HSF1: variants seen among roughly 807,000 people sequenced by gnomAD.
The protein encoded by HSF1 is heat shock transcription factor 1, also known as heat shock factor protein 1.
HSF1 carries 32 observed loss-of-function variants against 51.7 expected under a neutral mutation model. The ratio of observed to expected loss-of-function variants is 0.62; its 90% CI spans 0.47 to 0.83. The LOEUF (loss-of-function observed/expected upper bound fraction) is 0.83, where lower values mean the gene tolerates loss of function less well. Ranked by LOEUF, HSF1 falls within the 40% of genes least tolerant of loss-of-function variation. The pLI is 0.00. For missense variants in HSF1, 727 were observed against 717.0 expected, an observed-to-expected ratio of 1.01 and a Z score of -0.16; for synonymous variants, 396 against 309.7, an observed-to-expected ratio of 1.28 and a Z score of -2.92.
rs946787557 is a variant in HSF1 at position 144,297,568 on chromosome 8, T to C, written c.117+5694T>C. Among the ~76,000 whole-genome samples the C allele has an allele frequency of 1.3e-5, 2 of 152,168 alleles. No individual in the cohort carries two copies. Among genetic ancestry groups the C allele is most frequent in the African/African-American group, 4.8e-5 (2 of 41,422 alleles). On this transcript the variant is annotated intron_variant, in intron 1 of 12. Coordinates refer to ENST00000528838, the MANE Select transcript of HSF1 (RefSeq NM_005526.4). This position sits in a 1 kb window ranked among gnomAD's most constrained non-coding sequence, Gnocchi z 4.6. ...CGGGGCCACAAAGTGAGCCACTTTG[T>C]CTGCACCTGCTCGCGCTTCCTGCCT...
rs782341252 is a variant in HSF1, at chr8:144,308,978, A to G, written c.190A>G (p.Asn64Asp). Residue 64 changes from asparagine (N) to aspartate (D), a missense_variant, in exon 2 of 13, where the codon AAC becomes GAC. Asn to Asp is a conservative substitution (Grantham distance 23). This residue lies in a region of HSF1 where 257 missense variants were observed against 318.3 expected (regional missense o/e 0.81). Transcript: ENST00000528838. ...GGTGCTGCCCAAGTACTTCAAGCAC[A>G]ACAACATGGCCAGCTTCGTGCGGCA... ...KEVLPKYFKH[N>D]NMASFVRQLN... The G allele has an allele frequency of 6.2e-7, 1 of 1,614,114 alleles. No individual in the cohort carries two copies. The highest frequency in any genetic ancestry group is 8.5e-7 in the Non-Finnish European group (1 of 1,179,946).
chr8:144,311,947 C>T lies in HSF1; in HGVS notation c.861-16C>T, dbSNP rs782818113. 3.2e-6 allele frequency: 5 copies of T among 1,575,608 alleles called. No homozygotes were observed. The South Asian group carries it at 3.4e-5, about 11-fold the overall frequency. On this transcript the variant is annotated splice_polypyrimidine_tract_variant and intron_variant, in intron 8 of 12. Transcript: ENST00000528838. ...CTGGCCGAGACGCCAGCTCACCTGG[C>T]CCCCCTCGTGTGCAGGCCCCTATCC...
In HSF1 at chr8:144,314,345, C is replaced by T. The variant is rs1554846267; in HGVS notation, c.*15C>T. 6.5e-7 allele frequency: 1 copy of T among 1,539,496 alleles called. No homozygotes were observed. Among genetic ancestry groups the T allele is most frequent in the East Asian group, 2.5e-5 (1 of 40,616 alleles). ...CTGTCTCCTAGAGGCCCCGGAGGAG[C>T]TGGGCCAGCCGCCCACCCCCACCCC... On this transcript the variant is annotated 3_prime_UTR_variant, in exon 13 of 13. Transcript: ENST00000528838.
intron 1 of HSF1, among the ~76,000 whole-genome samples, chr8:144,308,535 G>A (rs1649563867): frequency 6.6e-6 from 1 of 151,412 alleles, no homozygotes; most frequent in Non-Finnish European, 1.5e-5. Flanking sequence ...CGTGGCCAGA[G>A]TGCGGCGGGT....
intron 1 of HSF1, among the ~76,000 whole-genome samples, chr8:144,300,597 T>G (rs1815801181): frequency 6.6e-6 from 1 of 152,096 alleles, no homozygotes; most frequent in Non-Finnish European, 1.5e-5. Context: ...CAGCTAATGA[T>G]GAAAAAACAT....
rs1233533558 is a variant in HSF1 at position 144,296,824 on chromosome 8, A to G, written c.117+4950A>G. On this transcript the variant is annotated intron_variant, in intron 1 of 12. Transcript: ENST00000528838. Reference sequence around the variant, plus strand: ...TCCATCTCAAAAAAAAAAAAAAAGAAGGCACACATCTGTCCTCATACAGCT... The same window carrying G: ...TCCATCTCAAAAAAAAAAAAAAAGAGGGCACACATCTGTCCTCATACAGCT... 6.7e-5 allele frequency among the ~76,000 whole-genome samples: 10 copies of G among 148,582 alleles called. No individual in the cohort carries two copies. The East Asian group carries it at 2.0e-3, about 29-fold the overall frequency.
chr8:144,294,690 G>C (rs1554840997), intron 1 of HSF1, among the ~76,000 whole-genome samples: 2 of 152,204 alleles, frequency 1.3e-5, no homozygotes. Flanking sequence ...CAGAATGCCG[G>C]GTCACTGCCC....
At chr8:144,295,076 C>G (rs1403186963) in intron 1 of HSF1, among the ~76,000 whole-genome samples, 1 of 152,176 alleles carries the variant, frequency 6.6e-6, no homozygotes, top group Admixed American at 6.5e-5. Flanking sequence ...GACCCGGGAC[C>G]CGCAGCCTCC....
At position 144,311,238 on chromosome 8, in the gene HSF1, G is replaced by A; in HGVS notation, c.553G>A (p.Val185Ile). 1 of 1,613,112 alleles carries A rather than the reference G, an allele frequency of 6.2e-7. No homozygotes were observed. The highest frequency in any genetic ancestry group is 8.5e-7 in the Non-Finnish European group (1 of 1,179,870). Residue 185 changes from valine (V) to isoleucine (I), a missense_variant, in exon 5 of 13, where the codon GTC becomes ATC. This residue lies in a region of HSF1 where 257 missense variants were observed against 318.3 expected (regional missense o/e 0.81). Coordinates refer to ENST00000528838, the MANE Select transcript of HSF1 (RefSeq NM_005526.4). ...GCAGAAGCATGCCCAGCAACAGAAA[G>A]TCGTCAACAAGGTGGGGGCAGGGCC... ...LRQKHAQQQK[V>I]VNKLIQFLIS...
chr8:144,304,384 T>C (rs1816081656), intron 1 of HSF1, among the ~76,000 whole-genome samples: 1 of 152,248 alleles, frequency 6.6e-6, no homozygotes, highest in South Asian at 2.1e-4. Flanking sequence ...ATGAAGTTCC[T>C]CACATTGCTG....
Position 144,312,242 on chromosome 8 carries a change from C to G in HSF1, c.1140C>G (p.Asp380Glu). 1 of 1,486,876 alleles carries G rather than the reference C, an allele frequency of 6.7e-7. No homozygotes were observed. Among genetic ancestry groups the G allele is most frequent in the Non-Finnish European group, 9.0e-7 (1 of 1,110,014 alleles). The allele number at this position is 1,486,876 out of a possible 1,614,324, so 92.1% of individuals were successfully genotyped here. Residue 380 changes from aspartate to glutamate, a missense_variant and splice_region_variant, in exon 9 of 13, where the codon GAC becomes GAG. Coordinates refer to ENST00000528838, the MANE Select transcript of HSF1 (RefSeq NM_005526.4). ...AGTGCCTCAGCGTAGCCTGCCTGGA[C>G]AAGTGAGTGCCGCCCACCCCTGGCC... ...PEKCLSVACL[D>E]KNELSDHLDA...
intron 4 of HSF1, 191 bp from the exon 5 acceptor site, chr8:144,310,983 A>T: frequency 1.6e-6 from 1 of 607,450 alleles, no homozygotes; most frequent in Non-Finnish European, 2.9e-6. Flanking sequence ...AGGGAGGGGC[A>T]GTGGGACCAG....
intron 1 of HSF1, among the ~76,000 whole-genome samples, chr8:144,306,730 ATT>A (rs1447879904): frequency 6.6e-6 from 1 of 152,062 alleles, no homozygotes; most frequent in African/African-American, 2.4e-5. Context: ...CCTCCCCAGG[ATT>A]TGTCATTGCT....
chr8:144,312,442 G>A (rs1554845125), intron 9 of HSF1, among the ~76,000 whole-genome samples, 198 bp downstream of exon 9: 1 of 152,120 alleles, frequency 6.6e-6, no homozygotes, highest in Non-Finnish European at 1.5e-5. Context: ...GAAGCCACGG[G>A]CATGTCCGGA....
In HSF1 at chr8:144,314,511, T is replaced by G; in HGVS notation, c.*181T>G. The G allele has an allele frequency of 1.5e-5, 9 of 612,720 alleles. No individual in the cohort carries two copies. In the South Asian group the frequency reaches 1.8e-4, roughly 12 times the overall value. The allele number at this position is 612,720 out of a possible 1,614,324, so 38.0% of individuals were successfully genotyped here. ...CAGGAGGGTCACCCTGGCCTGCCAG[T>G]CTGCCTTCCCCCAACCCCGTGTCCT... On this transcript the variant is annotated 3_prime_UTR_variant, in exon 13 of 13. Coordinates refer to ENST00000528838, the MANE Select transcript of HSF1 (RefSeq NM_005526.4).
chr8:144,294,761 A>AC (rs1256239707), intron 1 of HSF1, among the ~76,000 whole-genome samples: 17 of 130,148 alleles, frequency 1.3e-4, no homozygotes, highest in Admixed American at 3.8e-4. Context: ...TTGATTTCCC[A>AC]CCCCCCCCTC....
At chr8:144,306,526 T>C (rs1021879591) in intron 1 of HSF1, among the ~76,000 whole-genome samples, 9 of 152,096 alleles carry the variant, frequency 5.9e-5, no homozygotes, top group Non-Finnish European at 1.3e-4. Flanking sequence ...CCACGCCCAC[T>C]TAATTTTTGT....
intron 1 of HSF1, among the ~76,000 whole-genome samples, chr8:144,298,124 C>T (rs542101713): frequency 6.6e-6 from 1 of 152,098 alleles, no homozygotes; most frequent in African/African-American, 2.4e-5. Flanking sequence ...TGCCTGTGGT[C>T]AGCAGAGGAG....
intron 1 of HSF1, among the ~76,000 whole-genome samples, chr8:144,303,612 T>C (rs1183059501): frequency 6.6e-6 from 1 of 152,194 alleles, no homozygotes; most frequent in East Asian, 1.9e-4. Context: ...GCACAGTGGC[T>C]CATGCCTGTA....
Sources: gnomAD v4.1 joint callset for allele counts (sites outside exome capture counted in the v4.1 genomes callset) on GRCh38, gnomAD v4.1.1 for gene constraint, gnomAD v4.1.1 regional missense constraint, Gnocchi (gnomAD v3.1) non-coding constraint, MANE v1.5 for transcripts, NCBI Gene and HGNC (gene_info 2026-07-23, HGNC 2026-07-21) for gene names.